TENM1: variants seen among roughly 807,000 people sequenced by gnomAD.
TENM1 encodes teneurin-1.
TENM1 carries 35 observed loss-of-function variants against 174.8 expected under a neutral mutation model. The observed-to-expected ratio is 0.20, with a 90% CI of 0.15 to 0.27. The LOEUF is 0.27. Among genes scored for constraint, TENM1 ranks in the 10% least tolerant of loss-of-function variants. TENM1 has a pLI of 1.00. For missense variants in TENM1, 1,633 were observed against 2,130.1 expected (o/e 0.77, Z 4.59); for synonymous variants, 781 against 798.7 (o/e 0.98, Z 0.37).
intron 10 of TENM1, among the ~76,000 whole-genome samples, chrX:124,642,740 T>G (rs922614036): frequency 2.7e-5 from 3 of 111,957 alleles, no homozygotes; most frequent in Admixed American, 1.9e-4. Context: ...GGTAGGTTCT[T>G]GTGCTTGCCT....
intron 25 of TENM1, among the ~76,000 whole-genome samples, chrX:124,409,898 C>T (rs867144633): frequency 4.9e-4 from 53 of 107,435 alleles, no homozygotes; most frequent in African/African-American, 1.5e-3. Context: ...GAACATTCCA[C>T]GCTCATGGGT....
At chrX:124,997,862 T>C in the TENM1 span, among the ~76,000 whole-genome samples, 7 of 110,369 alleles carry the variant, frequency 6.3e-5, no homozygotes, top group Non-Finnish European at 9.5e-5. Context: ...GTTGTTCAAG[T>C]AGAACAACCT....
intron 1 of TENM1, among the ~76,000 whole-genome samples, chrX:124,954,835 A>T (rs2058546324): frequency 8.9e-6 from 1 of 111,953 alleles, no homozygotes; most frequent in Non-Finnish European, 1.9e-5. Flanking sequence ...CCTGAGCTCT[A>T]GATAGGCATG....
chrX:124,461,678 T>C (rs5956658), intron 22 of TENM1, among the ~76,000 whole-genome samples: 7,684 of 111,345 alleles, frequency 0.069, 340 homozygotes, highest in East Asian at 0.34. Flanking sequence ...TTCTCACTGA[T>C]ACGTGGGAGC....
At chrX:124,821,655 A>G in intron 3 of TENM1, among the ~76,000 whole-genome samples, 1 of 112,291 alleles carries the variant, frequency 8.9e-6, no homozygotes, top group Non-Finnish European at 1.9e-5. Context: ...TCTTCAGAAG[A>G]GCAGAGAATT....
At chrX:124,992,151 C>T in the TENM1 span, among the ~76,000 whole-genome samples, 2 of 111,185 alleles carry the variant, frequency 1.8e-5, no homozygotes, top group Non-Finnish European at 3.8e-5. Context: ...GCTCAACATG[C>T]TTACTAGGTT....
At chrX:124,744,499 T>C in intron 3 of TENM1, among the ~76,000 whole-genome samples, 1 of 112,085 alleles carries the variant, frequency 8.9e-6, no homozygotes, top group African/African-American at 3.2e-5. Context: ...TGAAAGAAAC[T>C]GTTATCTGTT....
chrX:124,687,866 A>T lies in TENM1; in HGVS notation c.1016-16031T>A, dbSNP rs746140633. Reference sequence around the variant, plus strand: ...TGGAATCTAAAAATGTCAGACTCATAGAAGCAGAGAGCAGCGTGGTGGCTG... The same window carrying T: ...TGGAATCTAAAAATGTCAGACTCATTGAAGCAGAGAGCAGCGTGGTGGCTG... On this transcript the variant is annotated intron_variant, in intron 5 of 31. Transcript: ENST00000422452. Among the ~76,000 whole-genome samples, 3 of 112,823 alleles carry T rather than the reference A, an allele frequency of 2.7e-5. No individual in the cohort carries two copies. The South Asian group carries it at 1.1e-3, about 41-fold the overall frequency.
intron 14 of TENM1, among the ~76,000 whole-genome samples, chrX:124,558,824 T>C (rs1406344949): frequency 9.0e-6 from 1 of 110,785 alleles, no homozygotes; most frequent in African/African-American, 3.3e-5. Flanking sequence ...CAAGGAGCTT[T>C]CCCCCCGTTC....
chrX:124,663,458 T>C (rs2051663351), intron 6 of TENM1, among the ~76,000 whole-genome samples: 1 of 112,299 alleles, frequency 8.9e-6, no homozygotes, highest in Non-Finnish European at 1.9e-5. Flanking sequence ...GGCTAGTAAA[T>C]GTTTAAACTT....
chrX:124,987,632 T>TA, the TENM1 span, among the ~76,000 whole-genome samples: 1 of 110,139 alleles, frequency 9.1e-6, no homozygotes, highest in Non-Finnish European at 1.9e-5. Flanking sequence ...CAAGTGAAAA[T>TA]ACAGTATAAT....
intron 4 of TENM1, among the ~76,000 whole-genome samples, chrX:124,721,026 T>C (rs761257645): frequency 8.9e-6 from 1 of 112,177 alleles, no homozygotes; most frequent in Admixed American, 9.4e-5. Flanking sequence ...AGTCACAGAA[T>C]GACAGAGATT....
the TENM1 span, among the ~76,000 whole-genome samples, chrX:125,187,844 A>G: frequency 8.9e-6 from 1 of 111,796 alleles, no homozygotes; most frequent in African/African-American, 3.3e-5. Context: ...AAAGATGTTC[A>G]AAAATATTTA....
chrX:124,955,793 G>GCACACACACACACACACA (rs955862260), intron 1 of TENM1, among the ~76,000 whole-genome samples: 17 of 78,108 alleles, frequency 2.2e-4, no homozygotes, highest in Non-Finnish European at 3.7e-4. Flanking sequence ...CAACACACGC[G>GCACACACACACACACACA]CACGCACACA....
chrX:124,998,049 C>A, the TENM1 span, among the ~76,000 whole-genome samples: 1 of 103,470 alleles, frequency 9.7e-6, no homozygotes, highest in Non-Finnish European at 2.0e-5. Flanking sequence ...GCATTATGGC[C>A]TATCAGTGTG....
the TENM1 span, among the ~76,000 whole-genome samples, chrX:125,009,498 T>C: frequency 1.1e-4 from 12 of 111,293 alleles, no homozygotes; most frequent in Non-Finnish European, 1.9e-4. Context: ...TTCCAAACCA[T>C]TGAAAAGGAG....
At chrX:124,663,216 T>C (rs1216405905) in intron 6 of TENM1, among the ~76,000 whole-genome samples, 1 of 111,491 alleles carries the variant, frequency 9.0e-6, no homozygotes, top group African/African-American at 3.3e-5. Flanking sequence ...AAAATGACCA[T>C]TAAAATGACT....
the TENM1 span, among the ~76,000 whole-genome samples, chrX:125,104,595 CT>C: frequency 1.7e-4 from 19 of 108,932 alleles, no homozygotes; most frequent in Non-Finnish European, 1.9e-5. Flanking sequence ...CTCTTCACCC[CT>C]GTCCATATCT....
chrX:124,389,533 G>C (rs1330586050), intron 28 of TENM1, among the ~76,000 whole-genome samples: 2 of 111,754 alleles, frequency 1.8e-5, no homozygotes, highest in Non-Finnish European at 3.8e-5. Flanking sequence ...TGTTACATGG[G>C]ATTTTGGTAA....
Sources: allele counts gnomAD v4.1 joint callset (sites outside exome capture counted in the v4.1 genomes callset), GRCh38; gene constraint gnomAD v4.1.1; transcripts MANE v1.5; gene names NCBI Gene and HGNC (gene_info 2026-07-23, HGNC 2026-07-21).